Variants in CAST observed in about 807,000 individuals in gnomAD.
The protein encoded by CAST is calpastatin, also known as MIR583 host.
In CAST, 76 loss-of-function variants were observed where a neutral mutation model predicts 119.6. The ratio of observed to expected loss-of-function variants is 0.64; its 90% CI spans 0.53 to 0.77. The LOEUF is 0.77. Ranked by LOEUF, CAST falls within the 30% of genes least tolerant of loss-of-function variation. The pLI is 0.00. For missense variants in CAST, 953 were observed against 946.5 expected (o/e 1.01, Z -0.09); for synonymous variants, 319 against 331.6 (o/e 0.96, Z 0.41).
the CAST span, among the ~76,000 whole-genome samples, chr5:95,998,289 A>G: frequency 6.6e-6 from 1 of 152,068 alleles, no homozygotes; most frequent in Non-Finnish European, 1.5e-5. Context: ...TTTAGGGGAT[A>G]CAAGTGTAGA....
chr5:96,514,730 C>T, the CAST span, among the ~76,000 whole-genome samples: 35 of 151,976 alleles, frequency 2.3e-4, no homozygotes, highest in Non-Finnish European at 4.0e-4. Context: ...TTTCCTCTTG[C>T]TTGTTTGTTT....
chr5:96,068,160 C>G, the CAST span, among the ~76,000 whole-genome samples: 267 of 152,260 alleles, frequency 1.8e-3, 1 homozygote, highest in African/African-American at 6.1e-3. Flanking sequence ...GATAACGATC[C>G]TGTCATCATT....
At chr5:96,195,860 ACAGGCATTTAATATGGCATTAAATT>A in the CAST span, among the ~76,000 whole-genome samples, 13 of 152,228 alleles carry the variant, frequency 8.5e-5, no homozygotes, top group African/African-American at 3.1e-4. Context: ...GGCATTAAAT[ACAGGCATTTAATATGGCATTAAATT>A]CCCTTGAAAG....
At chr5:96,417,014 T>C in the CAST span, among the ~76,000 whole-genome samples, 3 of 152,326 alleles carry the variant, frequency 2.0e-5, no homozygotes, top group East Asian at 3.9e-4. Context: ...GGAAACAACC[T>C]GTAAGAGTGT....
chr5:96,740,434 C>T (rs144083834), intron 12 of CAST, among the ~76,000 whole-genome samples: 14 of 151,814 alleles, frequency 9.2e-5, no homozygotes, highest in Middle Eastern at 3.4e-3. Context: ...TATAGATGGC[C>T]GTCTTCTTCC....
chr5:96,354,468 A>G, the CAST span, among the ~76,000 whole-genome samples: 1 of 152,006 alleles, frequency 6.6e-6, no homozygotes, highest in Non-Finnish European at 1.5e-5. Flanking sequence ...AATGCCTGAG[A>G]TTCTATAATG....
chr5:96,358,351 G>T, the CAST span, among the ~76,000 whole-genome samples: 13 of 152,060 alleles, frequency 8.5e-5, no homozygotes, highest in Admixed American at 8.5e-4. Context: ...TCTGATCTTA[G>T]TTATTTCTTG....
the CAST span, among the ~76,000 whole-genome samples, chr5:96,035,040 A>AGT: frequency 2.7e-5 from 3 of 109,928 alleles, no homozygotes; most frequent in Admixed American, 1.9e-4. Flanking sequence ...GTTGTATTTA[A>AGT]GTATATATAT....
chr5:96,743,318 G>T (rs1763068516), intron 16 of CAST, among the ~76,000 whole-genome samples: 1 of 152,168 alleles, frequency 6.6e-6, no homozygotes, highest in Non-Finnish European at 1.5e-5. Context: ...CTTACATCTG[G>T]TGTACGAAAG....
At chr5:96,299,074 T>A in the CAST span, among the ~76,000 whole-genome samples, 1 of 151,694 alleles carries the variant, frequency 6.6e-6, no homozygotes. Context: ...ACTCCGTCTC[T>A]ACTAAAAATA....
the CAST span, among the ~76,000 whole-genome samples, chr5:96,404,692 G>A: frequency 6.6e-6 from 1 of 152,192 alleles, no homozygotes; most frequent in East Asian, 1.9e-4. Flanking sequence ...TCACAGGGCT[G>A]TGGGAGGCTG....
the CAST span, among the ~76,000 whole-genome samples, chr5:96,091,449 C>A: frequency 1.3e-5 from 2 of 151,768 alleles, no homozygotes; most frequent in South Asian, 4.2e-4. Context: ...TGGTGATCCA[C>A]CCACCTTGGC....
At chr5:96,463,937 AG>A in the CAST span, among the ~76,000 whole-genome samples, 1 of 152,136 alleles carries the variant, frequency 6.6e-6, no homozygotes, top group Non-Finnish European at 1.5e-5. Flanking sequence ...ACACAGAAAC[AG>A]ATAAAGTGAG....
At chr5:96,558,817 A>G (rs995087529) in intron 1 of CAST, among the ~76,000 whole-genome samples, 8 of 152,210 alleles carry the variant, frequency 5.3e-5, no homozygotes, top group Non-Finnish European at 8.8e-5. Flanking sequence ...AAACTATTCC[A>G]ATCAATAGAA....
the CAST span, among the ~76,000 whole-genome samples, chr5:96,274,106 T>A: frequency 6.6e-6 from 1 of 151,358 alleles, no homozygotes; most frequent in African/African-American, 2.4e-5. Flanking sequence ...CCAATTTTTT[T>A]TTTTTTTCTT....
chr5:96,300,453 T>C, the CAST span, among the ~76,000 whole-genome samples: 33 of 152,304 alleles, frequency 2.2e-4, no homozygotes, highest in African/African-American at 7.9e-4. Flanking sequence ...GTTCCATTGG[T>C]TGATGGAACT....
the CAST span, among the ~76,000 whole-genome samples, chr5:96,061,927 C>T: frequency 1.3e-5 from 2 of 152,114 alleles, no homozygotes; most frequent in African/African-American, 4.8e-5. Context: ...AATGACTTAG[C>T]TGACATCAGC....
At chr5:96,121,622 C>T in the CAST span, among the ~76,000 whole-genome samples, 1 of 152,102 alleles carries the variant, frequency 6.6e-6, no homozygotes, top group African/African-American at 2.4e-5. Flanking sequence ...ATTGATCATC[C>T]TAGTCTGCAA....
chr5:96,099,385 G>A, the CAST span, among the ~76,000 whole-genome samples: 1 of 152,132 alleles, frequency 6.6e-6, no homozygotes, highest in Non-Finnish European at 1.5e-5. Context: ...GTGAGAGAGG[G>A]CATCTTTGTC....
Sources: allele counts gnomAD v4.1 joint callset (sites outside exome capture counted in the v4.1 genomes callset), GRCh38; gene constraint gnomAD v4.1.1; transcripts MANE v1.5; gene names NCBI Gene and HGNC (gene_info 2026-07-23, HGNC 2026-07-21).